The following FAM161A variants were observed in gnomAD, a reference collection of about 807,000 sequenced individuals.
FAM161A encodes the protein protein FAM161A.
FAM161A carries 57 observed loss-of-function variants against 70.9 expected under a neutral mutation model. The observed-to-expected ratio is 0.80, with a 90% CI of 0.65 to 1.00. FAM161A has a LOEUF of 1.00. Ranked by LOEUF, FAM161A falls within the 50% of genes least tolerant of loss-of-function variation. The pLI, the probability that FAM161A is intolerant of heterozygous loss-of-function variation, is 0.00. For missense variants in FAM161A, 880 were observed against 836.0 expected (o/e 1.05, Z -0.65); for synonymous variants, 299 against 295.7 (o/e 1.01, Z -0.12).
chr2:61,833,259 C>T (rs1672648373), intron 5 of FAM161A, among the ~76,000 whole-genome samples: 1 of 151,796 alleles, frequency 6.6e-6, no homozygotes, highest in Non-Finnish European at 1.5e-5. Context: ...CTCGTCTCTA[C>T]TAAAAAATAC....
intron 1 of FAM161A, chr2:61,846,871 A>G (rs1474225115): frequency 4.4e-6 from 2 of 451,260 alleles, no homozygotes; most frequent in African/African-American, 4.0e-5. Flanking sequence ...TCCAGTATGC[A>G]GTTTTCACTC....
chr2:61,826,294 A>G lies in FAM161A; in HGVS notation c.*161T>C. 1.3e-6 allele frequency: 1 copy of G among 763,794 alleles called. No individual in the cohort carries two copies. The highest frequency in any genetic ancestry group is 2.3e-6 in the Non-Finnish European group (1 of 433,912). The allele number at this position is 763,794 out of a possible 1,614,324, so 47.3% of individuals were successfully genotyped here. Reference sequence around the variant, plus strand: ...AAGCCTTACTCTAACTGATCAAATGACCAATCAGCTGGATTCAGGCTTTTC... The same window carrying G: ...AAGCCTTACTCTAACTGATCAAATGGCCAATCAGCTGGATTCAGGCTTTTC... On this transcript the variant is annotated 3_prime_UTR_variant, in exon 7 of 7. Coordinates refer to ENST00000404929, the MANE Select transcript of FAM161A (RefSeq NM_001201543.2).
intron 1 of FAM161A, among the ~76,000 whole-genome samples, chr2:61,845,206 T>A (rs918986055): frequency 3.3e-5 from 5 of 152,048 alleles, no homozygotes; most frequent in Non-Finnish European, 5.9e-5. Context: ...AACATTTAAA[T>A]AAGCAGCGGA....
chr2:61,826,103 T>C lies in FAM161A; in HGVS notation c.*352A>G, dbSNP rs918520550. 2.1e-6 allele frequency: 1 copy of C among 473,952 alleles called. No individual in the cohort carries two copies. Among genetic ancestry groups the C allele is most frequent in the Admixed American group, 2.3e-5 (1 of 43,160 alleles). The allele number at this position is 473,952 out of a possible 1,614,324, so 29.4% of individuals were successfully genotyped here. A position where few individuals can be genotyped will look rare whatever the true frequency, so the allele number is the denominator to read the frequency against. ...AAAGTAAACCACCAAAGACCAATAC[T>C]TCTCTCTCCTTTCAATACTAAGCCA... On this transcript the variant is annotated 3_prime_UTR_variant, in exon 7 of 7. Coordinates refer to ENST00000404929, the MANE Select transcript of FAM161A (RefSeq NM_001201543.2).
the FAM161A span, among the ~76,000 whole-genome samples, chr2:61,802,832 C>T: frequency 7.2e-5 from 11 of 152,068 alleles, no homozygotes; most frequent in Admixed American, 5.9e-4. Flanking sequence ...CTCTTAGGGG[C>T]CTGCCATGCA....
rs767224633 is a variant in FAM161A at position 61,824,998 on chromosome 2, G to A, written c.*1457C>T. 5 of 452,978 alleles carry A rather than the reference G, an allele frequency of 1.1e-5. No individual in the cohort carries two copies. The highest frequency in any genetic ancestry group is 3.1e-5 in the South Asian group (2 of 63,884). The allele number at this position is 452,978 out of a possible 1,614,324, so 28.1% of individuals were successfully genotyped here. ...ATAATAGTAAAAAGTAATTTAACAC[G>A]AACTGTAGGAAGAAAATTACAAGTA... On this transcript the variant is annotated 3_prime_UTR_variant, in exon 7 of 7. Transcript: ENST00000404929.
chr2:61,825,790 A>G lies in FAM161A; in HGVS notation c.*665T>C. 1 of 419,756 alleles carries G rather than the reference A, an allele frequency of 2.4e-6. No individual in the cohort carries two copies. Among genetic ancestry groups the G allele is most frequent in the Non-Finnish European group, 4.7e-6 (1 of 212,562 alleles). The allele number at this position is 419,756 out of a possible 1,614,324, so 26.0% of individuals were successfully genotyped here. On this transcript the variant is annotated 3_prime_UTR_variant, in exon 7 of 7. Transcript: ENST00000404929. ...GTAGCTGGGACTACAGGCGCCCACC[A>G]CCACGCCTGGCTAATTTTTTGTATT...
In FAM161A at chr2:61,853,920, G is replaced by A. The variant is rs768878474; in HGVS notation, c.122C>T (p.Ala41Val). 6.8e-6 allele frequency: 11 copies of A among 1,613,970 alleles called. No individual in the cohort carries two copies. The East Asian group carries it at 2.5e-4, about 36-fold the overall frequency. Residue 41 changes from alanine to valine, a missense_variant, in exon 1 of 7, where the codon GCA becomes GTA. Coordinates refer to ENST00000404929, the MANE Select transcript of FAM161A (RefSeq NM_001201543.2). ...TTCGTCCTCCAAGATCGCCTCCGCT[G>A]CCGCCAGGGCCTTTAAGGGGTCTTC... ...EREDPLKALA[A>V]AEAILEDEEE...
the FAM161A span, among the ~76,000 whole-genome samples, chr2:61,813,599 G>A: frequency 6.7e-6 from 1 of 149,470 alleles, no homozygotes; most frequent in Admixed American, 6.7e-5. Flanking sequence ...TGCACCTGTG[G>A]TCTCAGCTAT....
At chr2:61,822,854 T>G (rs974978041), downstream of FAM161A, among the ~76,000 whole-genome samples, 23 of 152,088 alleles carry the variant, frequency 1.5e-4, no homozygotes, top group Admixed American at 5.2e-4. Flanking sequence ...CCTCCCAAAG[T>G]GCTGGGATTA....
chr2:61,822,252 G>T (rs942129807), downstream of FAM161A, among the ~76,000 whole-genome samples: 1 of 151,854 alleles, frequency 6.6e-6, no homozygotes, highest in Non-Finnish European at 1.5e-5. Flanking sequence ...GCAACATAGC[G>T]AGACGCTGTC....
the FAM161A span, among the ~76,000 whole-genome samples, chr2:61,810,953 C>T: frequency 0.11 from 17,465 of 152,176 alleles, 1,215 homozygotes; most frequent in Middle Eastern, 0.21. Context: ...CAGGACATCA[C>T]AGCATCTGCT....
Position 61,826,354 on chromosome 2 carries a change from A to G in FAM161A, c.*101T>C, listed in dbSNP as rs769357267. 36 of 1,305,094 alleles carry G rather than the reference A, an allele frequency of 2.8e-5. 2 individuals carry two copies. In the South Asian group the frequency reaches 3.0e-4, roughly 11 times the overall value. The allele number at this position is 1,305,094 out of a possible 1,614,324, so 80.8% of individuals were successfully genotyped here. On this transcript the variant is annotated 3_prime_UTR_variant, in exon 7 of 7. Coordinates refer to ENST00000404929, the MANE Select transcript of FAM161A (RefSeq NM_001201543.2). Reference sequence around the variant, plus strand: ...ATGACTTTGATCAACAGCCCTGCACATATCAGAAGCGTCCCCACAGATGTT... The same window carrying G: ...ATGACTTTGATCAACAGCCCTGCACGTATCAGAAGCGTCCCCACAGATGTT...
At chr2:61,823,372 T>C (rs1308312845), downstream of FAM161A, among the ~76,000 whole-genome samples, 1 of 141,404 alleles carries the variant, frequency 7.1e-6, no homozygotes, top group African/African-American at 2.6e-5. Flanking sequence ...CATATATATA[T>C]ATATATATAT....
In FAM161A at chr2:61,853,759, G is replaced by A. The variant is rs561566772; in HGVS notation, c.183+100C>T. The A allele has an allele frequency of 3.7e-5, 51 of 1,362,600 alleles. No homozygotes were observed. In the African/African-American group the frequency reaches 6.7e-4, roughly 18 times the overall value. 84.4% of individuals were successfully genotyped at this position (1,362,600 alleles called of 1,614,324 possible). A position where few individuals can be genotyped will look rare whatever the true frequency, so the allele number is the denominator to read the frequency against. On this transcript the variant is annotated intron_variant, in intron 1 of 6. Transcript: ENST00000404929. ...GTAGGGACTATGTGCACAGGGACCC[G>A]CGTTTACCAGCCTGCCCTCAGCTGG...
the FAM161A span, among the ~76,000 whole-genome samples, chr2:61,811,157 C>T: frequency 1.3e-5 from 2 of 152,238 alleles, no homozygotes; most frequent in African/African-American, 4.8e-5. Context: ...GTCCAAGCCA[C>T]CAGCAACTCT....
At position 61,831,791 on chromosome 2, in the gene FAM161A, T is replaced by C. The variant is rs906648944; in HGVS notation, c.1851+4219A>G. On this transcript the variant is annotated intron_variant, in intron 5 of 6. Transcript: ENST00000404929. ...TTCAGCAACCTCTCAAAAAACATTA[T>C]AAACCAGCTTCCAAATAGCTTTGTG... Among the ~76,000 whole-genome samples, 5 of 152,232 alleles carry C rather than the reference T, an allele frequency of 3.3e-5. No individual in the cohort carries two copies. The South Asian group carries it at 1.0e-3, about 32-fold the overall frequency.
intron 6 of FAM161A, among the ~76,000 whole-genome samples, 176 bp from the exon 7 acceptor site, chr2:61,826,775 A>G (rs1307915985): frequency 6.6e-6 from 1 of 152,244 alleles, no homozygotes; most frequent in Non-Finnish European, 1.5e-5. Flanking sequence ...CCATTGAGAA[A>G]TTTAATATTC....
At chr2:61,808,241 T>G in the FAM161A span, among the ~76,000 whole-genome samples, 5 of 152,166 alleles carry the variant, frequency 3.3e-5, no homozygotes, top group Non-Finnish European at 7.3e-5. Context: ...TCATAGTAAC[T>G]GCTTACAGAC....
Sources: gnomAD v4.1 joint callset for allele counts (sites outside exome capture counted in the v4.1 genomes callset) on GRCh38, gnomAD v4.1.1 for gene constraint, MANE v1.5 for transcripts, NCBI Gene and HGNC (gene_info 2026-07-23, HGNC 2026-07-21) for gene names.